The following GNA13 variants were observed in gnomAD, a reference collection of about 807,000 sequenced individuals.
GNA13 encodes guanine nucleotide-binding protein subunit alpha-13.
GNA13 carries 4 observed loss-of-function variants against 33.5 expected under a neutral mutation model. The observed-to-expected ratio is 0.12, with a 90% CI of 0.06 to 0.27. The LOEUF (loss-of-function observed/expected upper bound fraction) is 0.27, where lower values mean the gene tolerates loss of function less well. Ranked by LOEUF, GNA13 falls within the 10% of genes least tolerant of loss-of-function variation. GNA13 has a pLI of 1.00. For synonymous variants in GNA13, 176 were observed against 183.8 expected (o/e 0.96, Z 0.34); for missense variants, 319 against 487.2 (o/e 0.65, Z 3.25).
At chr17:65,022,795 G>C (rs1906632056) in intron 2 of GNA13, among the ~76,000 whole-genome samples, 1 of 152,246 alleles carries the variant, frequency 6.6e-6, no homozygotes, top group African/African-American at 2.4e-5. Flanking sequence ...AAGTGAGTGA[G>C]TAACTCATGT....
chr17:65,046,869 T>C (rs907786687), intron 2 of GNA13, among the ~76,000 whole-genome samples: 3 of 152,176 alleles, frequency 2.0e-5, no homozygotes, highest in East Asian at 1.9e-4. Flanking sequence ...AAAGGTAATA[T>C]AGAAAGCAGC....
Position 65,056,555 on chromosome 17 carries a change from C to G in GNA13, c.39G>C (p.Val13=). 6.2e-7 allele frequency: 1 copy of G among 1,611,348 alleles called. No individual in the cohort carries two copies. The highest frequency in any genetic ancestry group is 8.5e-7 in the Non-Finnish European group (1 of 1,179,678). The change falls in exon 1 of 4, where the codon GTG becomes GTC. Residue 13 remains valine (V), a synonymous_variant. Transcript: ENST00000439174. The stretch of plus-strand genomic sequence containing the variant: ...TCGTCAGCAGGCAGCCGGGGAAGCA[C>G]ACGGACAGCACGGACCGCGACGGCA... ...DFLPSRSVLS[V]CFPGCLLTSG...
At chr17:65,044,604 C>T (rs1037683780) in intron 2 of GNA13, among the ~76,000 whole-genome samples, 3 of 149,758 alleles carry the variant, frequency 2.0e-5, no homozygotes, top group African/African-American at 7.4e-5. Context: ...AATTCAAGAC[C>T]AGCCTGGGCA....
chr17:65,055,683 C>T (rs1185409678), intron 1 of GNA13: 1 of 985,042 alleles, frequency 1.0e-6, no homozygotes, highest in East Asian at 1.1e-4. Flanking sequence ...GTACAGTCAA[C>T]CTGACACTCC....
Position 65,056,660 on chromosome 17 carries a change from G to C in GNA13, c.-67C>G. The C allele has an allele frequency of 1.5e-6, 2 of 1,369,570 alleles. No homozygotes were observed. The highest frequency in any genetic ancestry group is 2.0e-6 in the Non-Finnish European group (2 of 1,024,908). 84.8% of individuals were successfully genotyped at this position (1,369,570 alleles called of 1,614,324 possible). A position where few individuals can be genotyped will look rare whatever the true frequency, so the allele number is the denominator to read the frequency against. On this transcript the variant is annotated 5_prime_UTR_variant, in exon 1 of 4. Coordinates refer to ENST00000439174, the MANE Select transcript of GNA13 (RefSeq NM_006572.6). ...CCTCCACCTCCTCCTCCGGCGGCGGGCGGCTCCGGCACCGAGGCTCGAGGG... is the reference window on the plus strand; with the variant it reads ...CCTCCACCTCCTCCTCCGGCGGCGGCCGGCTCCGGCACCGAGGCTCGAGGG...
chr17:65,014,899 C>A lies in GNA13; in HGVS notation c.562-70G>T. On this transcript the variant is annotated intron_variant, in intron 3 of 3. Coordinates refer to ENST00000439174, the MANE Select transcript of GNA13 (RefSeq NM_006572.6). The surrounding 1 kb of genome is among the most constrained non-coding windows in gnomAD (Gnocchi z 5.3). The stretch of plus-strand genomic sequence containing the variant: ...ATGCGAATTTTTAATGGACTACTAA[C>A]TGGACTAGTGAATAGATATGCAAAC... 1.2e-6 allele frequency: 1 copy of A among 826,856 alleles called. No individual in the cohort carries two copies. 51.2% of individuals were successfully genotyped at this position (826,856 alleles called of 1,614,324 possible).
At chr17:65,046,907 A>G (rs1162900445) in intron 2 of GNA13, among the ~76,000 whole-genome samples, 1 of 152,228 alleles carries the variant, frequency 6.6e-6, no homozygotes, top group Non-Finnish European at 1.5e-5. Flanking sequence ...CGGAAGCTTT[A>G]GCACCAAGAA....
At chr17:65,031,188 A>T (rs557526540) in intron 2 of GNA13, among the ~76,000 whole-genome samples, 2 of 152,236 alleles carry the variant, frequency 1.3e-5, no homozygotes, top group Admixed American at 6.5e-5. Flanking sequence ...AAAGCTGTAC[A>T]GCACGTTACT....
intron 2 of GNA13, among the ~76,000 whole-genome samples, chr17:65,042,153 G>A (rs764670527): frequency 2.9e-4 from 44 of 152,076 alleles, no homozygotes; most frequent in Non-Finnish European, 5.0e-4. Context: ...GAGGTCAGGA[G>A]TTCAAGGCCA....
intron 2 of GNA13, among the ~76,000 whole-genome samples, chr17:65,037,777 G>GAAAAAAAAAAAAAAAAAAAAAAAAAAAAA (rs145051963): frequency 1.2e-5 from 1 of 82,042 alleles, no homozygotes; most frequent in East Asian, 3.9e-4. Flanking sequence ...CTACAAAAAT[G>GAAAAAAAAAAAAAAAAAAAAAAAAAAAAA]GAAAAAAAAA....
intron 2 of GNA13, among the ~76,000 whole-genome samples, chr17:65,049,896 G>T (rs1341970988): frequency 6.6e-6 from 1 of 152,212 alleles, no homozygotes; most frequent in East Asian, 1.9e-4. Flanking sequence ...TACATTAAGT[G>T]AAGGGTAAGA....
Position 65,014,683 on chromosome 17 carries a change from A to G in GNA13, c.708T>C (p.Cys236=). Residue 236 remains cysteine (C), a synonymous_variant, in exon 4 of 4, where the codon TGT becomes TGC. Transcript: ENST00000439174. The surrounding 1 kb of genome is among the most constrained non-coding windows in gnomAD (Gnocchi z 5.3). The part of the protein sequence containing the change: ...QRSERKRWFE[C]FDSVTSILFL... ...AAAGTATTGATGTCACACTGTCGAA[A>G]CATTCAAACCAACGTTTCCTTTCTG... is the stretch of plus-strand genomic sequence containing the variant. The G allele has an allele frequency of 6.2e-7, 1 of 1,614,174 alleles. No individual in the cohort carries two copies. The highest frequency in any genetic ancestry group is 8.5e-7 in the Non-Finnish European group (1 of 1,180,022).
chr17:65,052,758 A>G (rs1238734840), intron 2 of GNA13, among the ~76,000 whole-genome samples: 1 of 152,340 alleles, frequency 6.6e-6, no homozygotes, highest in Non-Finnish European at 1.5e-5. Flanking sequence ...AAAAAAGGGG[A>G]AAAATGCCTG....
chr17:65,047,104 GA>G (rs969456466), intron 2 of GNA13, among the ~76,000 whole-genome samples: 9 of 152,002 alleles, frequency 5.9e-5, no homozygotes, highest in Non-Finnish European at 1.0e-4. Context: ...TAATTAAAAA[GA>G]AAAAAACTTC....
At chr17:65,056,249 G>GCCCCCCCCC in intron 1 of GNA13, 62 bp downstream of exon 1, 13 of 774,818 alleles carry the variant, frequency 1.7e-5, no homozygotes, top group East Asian at 1.3e-4. Context: ...GCCCCGCCCC[G>GCCCCCCCCC]CACCCGCCGC....
intron 2 of GNA13, among the ~76,000 whole-genome samples, chr17:65,050,089 T>G (rs962593893): frequency 1.3e-5 from 2 of 152,188 alleles, no homozygotes; most frequent in African/African-American, 4.8e-5. Flanking sequence ...ACAAAAAAGC[T>G]GAGCTCTGTT....
chr17:65,036,661 G>A (rs952470438), intron 2 of GNA13, among the ~76,000 whole-genome samples: 1 of 152,186 alleles, frequency 6.6e-6, no homozygotes, highest in Non-Finnish European at 1.5e-5. Flanking sequence ...AGCCTACATC[G>A]TGCCACTGCA....
Position 65,014,674 on chromosome 17 carries a change from A to G in GNA13, c.717T>C (p.Ser239=), listed in dbSNP as rs112783387. The change falls in exon 4 of 4, where the codon AGT becomes AGC. Residue 239 remains serine (S), a synonymous_variant. Transcript: ENST00000439174. The surrounding 1 kb of genome is among the most constrained non-coding windows in gnomAD (Gnocchi z 5.3). ...ERKRWFECFD[S]VTSILFLVSS... ...AAACAAGGAAAAGTATTGATGTCAC[A>G]CTGTCGAAACATTCAAACCAACGTT... 36 of 1,614,174 alleles carry G rather than the reference A, an allele frequency of 2.2e-5. 1 individual carries two copies. The Middle Eastern group carries it at 4.9e-4, about 22-fold the overall frequency.
At chr17:65,031,440 G>A (rs1176786722) in intron 2 of GNA13, among the ~76,000 whole-genome samples, 1 of 152,130 alleles carries the variant, frequency 6.6e-6, no homozygotes, top group Non-Finnish European at 1.5e-5. Flanking sequence ...GGTTTAAATG[G>A]TTTACACACT....
Sources: allele counts gnomAD v4.1 joint callset (sites outside exome capture counted in the v4.1 genomes callset), GRCh38; gene constraint gnomAD v4.1.1; non-coding constraint Gnocchi (gnomAD v3.1); transcripts MANE v1.5; gene names NCBI Gene and HGNC (gene_info 2026-07-23, HGNC 2026-07-21).